SEPTIN9: variants seen among roughly 807,000 people sequenced by gnomAD.
SEPTIN9 encodes the protein septin-9.
Under a neutral mutation model 56.6 loss-of-function variants are expected in SEPTIN9, and 13 were observed. The ratio of observed to expected loss-of-function variants is 0.23; its 90% CI spans 0.15 to 0.37. The LOEUF (loss-of-function observed/expected upper bound fraction) is 0.37, where lower values mean the gene tolerates loss of function less well. Ranked by LOEUF, SEPTIN9 falls within the 10% of genes least tolerant of loss-of-function variation. The pLI, the probability that SEPTIN9 is intolerant of heterozygous loss-of-function variation, is 1.00. For missense variants in SEPTIN9, 650 were observed against 823.1 expected, an observed-to-expected ratio of 0.79 and a Z score of 2.57; for synonymous variants, 332 against 334.1, an observed-to-expected ratio of 0.99 and a Z score of 0.07.
chr17:77,342,007 C>T (rs1299138735), intron 2 of SEPTIN9, among the ~76,000 whole-genome samples: 4 of 146,982 alleles, frequency 2.7e-5, no homozygotes, highest in African/African-American at 7.6e-5. Context: ...GGCGTGAACC[C>T]GGGAGGCGGA....
intron 2 of SEPTIN9, among the ~76,000 whole-genome samples, chr17:77,352,870 C>T (rs1238893307): frequency 1.3e-5 from 2 of 152,074 alleles, no homozygotes; most frequent in Non-Finnish European, 2.9e-5. Flanking sequence ...CCAGGCTGGT[C>T]TCAAACTCCT....
chr17:77,281,871 T>C (rs2031040983), intron 1 of SEPTIN9: 1 of 402,184 alleles, frequency 2.5e-6, no homozygotes, highest in Non-Finnish European at 4.5e-6. Flanking sequence ...TTTGGGTCCC[T>C]GTGCGTCTGT....
intron 3 of SEPTIN9, among the ~76,000 whole-genome samples, chr17:77,481,359 C>T (rs760152780): frequency 4.6e-5 from 7 of 152,148 alleles, no homozygotes; most frequent in Admixed American, 2.6e-4. Flanking sequence ...GCACACAAGA[C>T]GGCCGCCTGG....
Position 77,475,150 on chromosome 17 carries a change from C to A in SEPTIN9, c.722-6994C>A. On this transcript the variant is annotated intron_variant, in intron 3 of 11. Coordinates refer to ENST00000427177, the MANE Select transcript of SEPTIN9 (RefSeq NM_001113491.2). This position sits in a 1 kb window ranked among gnomAD's most constrained non-coding sequence, Gnocchi z 4.6. ...AGCCCTACGCTGCTCTGAAGAAAGC[C>A]GGGCTGGGGTGAGCGTGATGGATGA... The A allele has an allele frequency of 9.9e-7, 1 of 1,013,522 alleles. No individual in the cohort carries two copies. Among genetic ancestry groups the A allele is most frequent in the Non-Finnish European group, 1.2e-6 (1 of 813,014 alleles). The allele number at this position is 1,013,522 out of a possible 1,614,324, so 62.8% of individuals were successfully genotyped here. A position where few individuals can be genotyped will look rare whatever the true frequency, so the allele number is the denominator to read the frequency against.
chr17:77,291,712 A>G (rs2031565765), intron 1 of SEPTIN9, among the ~76,000 whole-genome samples: 1 of 152,084 alleles, frequency 6.6e-6, no homozygotes, highest in Admixed American at 6.6e-5. Flanking sequence ...TTCCAGCCTC[A>G]AGCGATCCTC....
At chr17:77,391,287 TTCCTGGGGTCTATA>T (rs1275706781) in intron 2 of SEPTIN9, among the ~76,000 whole-genome samples, 1 of 152,140 alleles carries the variant, frequency 6.6e-6, no homozygotes, top group Non-Finnish European at 1.5e-5. Context: ...CTGTGTTCTG[TTCCTGGGGTCTATA>T]TCCTGGGGTT....
intron 1 of SEPTIN9, among the ~76,000 whole-genome samples, chr17:77,293,725 T>C (rs2031675005): frequency 6.6e-6 from 1 of 152,188 alleles, no homozygotes; most frequent in Non-Finnish European, 1.5e-5. Context: ...GTCAGTCATA[T>C]CTCCAAAGTT....
chr17:77,390,012 C>T (rs60346249), intron 2 of SEPTIN9, among the ~76,000 whole-genome samples: 51 of 152,274 alleles, frequency 3.3e-4, no homozygotes, highest in African/African-American at 1.0e-3. Context: ...CAGGGGCACG[C>T]GGTAGATGAC....
rs905404260 is a variant in SEPTIN9 at position 77,499,566 on chromosome 17, G to T, written c.*908G>T. On this transcript the variant is annotated 3_prime_UTR_variant, in exon 12 of 12. Transcript: ENST00000427177. ...GGTGCCAGAAGGAAGGTTGGCGGGGGCACGTGTGGGCCGTGGCTTGGGCTG... is the reference window on the plus strand; with the variant it reads ...GGTGCCAGAAGGAAGGTTGGCGGGGTCACGTGTGGGCCGTGGCTTGGGCTG... 1.8e-5 allele frequency: 8 copies of T among 450,200 alleles called. No homozygotes were observed. The highest frequency in any genetic ancestry group is 3.4e-5 in the Non-Finnish European group (8 of 235,092). 27.9% of individuals were successfully genotyped at this position (450,200 alleles called of 1,614,324 possible). A position where few individuals can be genotyped will look rare whatever the true frequency, so the allele number is the denominator to read the frequency against.
Position 77,480,886 on chromosome 17 carries a change from G to A in SEPTIN9, c.722-1258G>A, listed in dbSNP as rs565276587. Among the ~76,000 whole-genome samples the A allele has an allele frequency of 1.2e-3, 177 of 152,280 alleles. 3 individuals are homozygous for A. The South Asian group carries it at 0.02, about 17-fold the overall frequency. Reference sequence around the variant, plus strand: ...GGCCTGGATGGGCCCAAGCAGGGACGGGGGCACAGAACAGCAGCCGCCCAG... The same window carrying A: ...GGCCTGGATGGGCCCAAGCAGGGACAGGGGCACAGAACAGCAGCCGCCCAG... On this transcript the variant is annotated intron_variant, in intron 3 of 11. Transcript: ENST00000427177.
rs534694711 is a variant in SEPTIN9, at chr17:77,375,722, C to G, written c.77-26337C>G. The G allele has an allele frequency of 3.5e-4, 54 of 152,746 alleles. No individual in the cohort carries two copies. In the South Asian group the frequency reaches 0.011, roughly 31 times the overall value. The allele number at this position is 152,746 out of a possible 1,614,324, so 9.5% of individuals were successfully genotyped here. On this transcript the variant is annotated intron_variant, in intron 2 of 11. Transcript: ENST00000427177. ...CAATCTGCTGGTTCCCTGTGTTTAT[C>G]AGTCTCCCCCTTGTGTGTCCTGAAT...
At position 77,405,912 on chromosome 17, in the gene SEPTIN9, C is replaced by T. The variant is rs758835227; in HGVS notation, c.721+3209C>T. Among the ~76,000 whole-genome samples the T allele has an allele frequency of 1.3e-5, 2 of 152,250 alleles. No homozygotes were observed. The highest frequency in any genetic ancestry group is 2.9e-5 in the Non-Finnish European group (2 of 68,044). On this transcript the variant is annotated intron_variant, in intron 3 of 11. Coordinates refer to ENST00000427177, the MANE Select transcript of SEPTIN9 (RefSeq NM_001113491.2). The surrounding 1 kb of genome is among the most constrained non-coding windows in gnomAD (Gnocchi z 5.8). The stretch of plus-strand genomic sequence containing the variant: ...CGACATGCACAGCTCTGACCAATCT[C>T]TGCGGCCCCTCTGTCCCCCGAGCAC...
chr17:77,483,592 C>T (rs548652020), intron 4 of SEPTIN9: 1 of 152,380 alleles, frequency 6.6e-6, no homozygotes, highest in African/African-American at 2.4e-5. Context: ...AGGGGCTGCC[C>T]TGCTCCCTAG....
chr17:77,373,090 C>T, intron 2 of SEPTIN9: 1 of 650,522 alleles, frequency 1.5e-6, no homozygotes, highest in Non-Finnish European at 1.9e-6. Context: ...GCTGAGGCCG[C>T]GTCTCTCGCC....
chr17:77,351,675 G>A (rs1179266748), intron 2 of SEPTIN9, among the ~76,000 whole-genome samples: 1 of 152,256 alleles, frequency 6.6e-6, no homozygotes, highest in Non-Finnish European at 1.5e-5. Context: ...CTGCTGCTGA[G>A]GACTCTGGTT....
At position 77,418,024 on chromosome 17, in the gene SEPTIN9, G is replaced by A. The variant is rs376390105; in HGVS notation, c.721+15321G>A. ...TGGGAGTGGGGGGCTCCTCATTCCTGTTCCCTGGCGGTGGGGGGAGTGCCC... is the reference window on the plus strand; with the variant it reads ...TGGGAGTGGGGGGCTCCTCATTCCTATTCCCTGGCGGTGGGGGGAGTGCCC... On this transcript the variant is annotated intron_variant, in intron 3 of 11. Coordinates refer to ENST00000427177, the MANE Select transcript of SEPTIN9 (RefSeq NM_001113491.2). Among the ~76,000 whole-genome samples the A allele has an allele frequency of 2.4e-3, 369 of 152,306 alleles. 11 individuals are homozygous for A. The South Asian group carries it at 0.05, about 21-fold the overall frequency.
chr17:77,295,589 G>A (rs2031773688), intron 1 of SEPTIN9, among the ~76,000 whole-genome samples: 1 of 152,202 alleles, frequency 6.6e-6, no homozygotes, highest in African/African-American at 2.4e-5. Flanking sequence ...ACCTGAGCCA[G>A]CAGAGGTCGG....
intron 10 of SEPTIN9, among the ~76,000 whole-genome samples, chr17:77,496,035 T>C (rs1330447831): frequency 2.7e-5 from 4 of 147,374 alleles, no homozygotes; most frequent in South Asian, 4.2e-4. Context: ...CTTTTTCTTT[T>C]TTTTTTTTTT....
Position 77,330,583 on chromosome 17 carries a change from A to T in SEPTIN9, c.76+23386A>T, listed in dbSNP as rs955158913. ...GAAAGGATGGGTAGGACTTGGAGAC[A>T]ACAGGGATTCAAAGAAGTCGGGAGT... On this transcript the variant is annotated intron_variant, in intron 2 of 11. Coordinates refer to ENST00000427177, the MANE Select transcript of SEPTIN9 (RefSeq NM_001113491.2). This position sits in a 1 kb window ranked among gnomAD's most constrained non-coding sequence, Gnocchi z 4.4. Among the ~76,000 whole-genome samples the T allele has an allele frequency of 4.6e-5, 7 of 152,226 alleles. No individual in the cohort carries two copies. The highest frequency in any genetic ancestry group is 2.1e-4 in the South Asian group (1 of 4,832).
Sources: allele counts gnomAD v4.1 joint callset (sites outside exome capture counted in the v4.1 genomes callset), GRCh38; gene constraint gnomAD v4.1.1; non-coding constraint Gnocchi (gnomAD v3.1); transcripts MANE v1.5; gene names NCBI Gene and HGNC (gene_info 2026-07-23, HGNC 2026-07-21).